Variants in CCDC50 observed in about 807,000 individuals in gnomAD.
The protein encoded by CCDC50 is coiled-coil domain-containing protein 50.
CCDC50 carries 54 observed loss-of-function variants against 70.2 expected under a neutral mutation model. The observed-to-expected ratio is 0.77, with a 90% CI of 0.62 to 0.96. The LOEUF (loss-of-function observed/expected upper bound fraction) is 0.96. CCDC50 is among the 50% of genes least tolerant of loss of function. The pLI, the probability that CCDC50 is intolerant of heterozygous loss-of-function variation, is 0.00. For synonymous variants in CCDC50, 216 were observed against 198.8 expected (o/e 1.09, Z -0.73); for missense variants, 558 against 578.7 (o/e 0.96, Z 0.37).
At chr3:191,368,396 G>A (rs574445242) in intron 4 of CCDC50, among the ~76,000 whole-genome samples, 6 of 151,996 alleles carry the variant, frequency 3.9e-5, no homozygotes, top group South Asian at 4.2e-4. Context: ...AAAAAAATAC[G>A]TATATATGTG....
intron 10 of CCDC50, among the ~76,000 whole-genome samples, chr3:191,388,494 G>A (rs568702): frequency 0.42 from 64,207 of 152,072 alleles, 15,240 homozygotes; most frequent in Non-Finnish European, 0.53. Flanking sequence ...GAGATAATCT[G>A]TGTAGAACCT....
intron 1 of CCDC50, among the ~76,000 whole-genome samples, chr3:191,355,093 C>T (rs1712234467): frequency 2.0e-5 from 3 of 152,044 alleles, no homozygotes; most frequent in Admixed American, 2.0e-4. Flanking sequence ...AAATGCCTTT[C>T]TCAGGCTTAG....
Position 191,329,542 on chromosome 3 carries a change from T to C in CCDC50, c.-133T>C. 1 of 812,796 alleles carries C rather than the reference T, an allele frequency of 1.2e-6. No homozygotes were observed. The highest frequency in any genetic ancestry group is 1.8e-6 in the Non-Finnish European group (1 of 542,948). The allele number at this position is 812,796 out of a possible 1,614,324, so 50.3% of individuals were successfully genotyped here. On this transcript the variant is annotated 5_prime_UTR_variant, in exon 1 of 12. Coordinates refer to ENST00000392455, the MANE Select transcript of CCDC50 (RefSeq NM_178335.3). ...GCCCCTGCCCGCCCGACCCGCTCCG[T>C]TCTCCGGCCTGCGAGCCCTGCCGGC...
chr3:191,394,886 A>G lies in CCDC50; in HGVS notation c.*3126A>G, dbSNP rs1460879238. Reference sequence around the variant, plus strand: ...TTGCTTTACATGTATTTAAGGGAACATTGTGATTTTCAGAAAGTGGCTTTA... The same window carrying G: ...TTGCTTTACATGTATTTAAGGGAACGTTGTGATTTTCAGAAAGTGGCTTTA... On this transcript the variant is annotated 3_prime_UTR_variant, in exon 12 of 12. Transcript: ENST00000392455. 6.6e-6 allele frequency: 1 copy of G among 152,196 alleles called. No individual in the cohort carries two copies. The highest frequency in any genetic ancestry group is 1.5e-5 in the Non-Finnish European group (1 of 67,994). The allele number at this position is 152,196 out of a possible 1,614,324, so 9.4% of individuals were successfully genotyped here.
At chr3:191,377,978 G>A (rs1313791598) in intron 6 of CCDC50, among the ~76,000 whole-genome samples, 1 of 152,038 alleles carries the variant, frequency 6.6e-6, no homozygotes, top group African/African-American at 2.4e-5. Context: ...AAAAATTTTT[G>A]GACATCTTTG....
chr3:191,341,756 TGGA>T (rs1438387030), intron 1 of CCDC50, among the ~76,000 whole-genome samples: 1 of 152,206 alleles, frequency 6.6e-6, no homozygotes, highest in Non-Finnish European at 1.5e-5. Flanking sequence ...TGAAACTGCA[TGGA>T]GAGCCAAAGG....
At chr3:191,386,325 A>T (rs1459101429) in intron 10 of CCDC50, among the ~76,000 whole-genome samples, 1 of 147,934 alleles carries the variant, frequency 6.8e-6, no homozygotes, top group Non-Finnish European at 1.5e-5. Flanking sequence ...CCTGGGTTCA[A>T]GCGATTCTTC....
chr3:191,349,673 C>G (rs1171863066), intron 1 of CCDC50, among the ~76,000 whole-genome samples: 1 of 141,694 alleles, frequency 7.1e-6, no homozygotes, highest in East Asian at 1.9e-4. Context: ...GACTTCACTA[C>G]TAGACAGTAT....
At chr3:191,367,153 T>A (rs1325862679) in intron 4 of CCDC50, among the ~76,000 whole-genome samples, 4 of 152,128 alleles carry the variant, frequency 2.6e-5, no homozygotes, top group Non-Finnish European at 5.9e-5. Flanking sequence ...GTTTGGGTGC[T>A]AAGGTGCATG....
chr3:191,339,839 G>A (rs1265569555), intron 1 of CCDC50, among the ~76,000 whole-genome samples: 1 of 152,132 alleles, frequency 6.6e-6, no homozygotes, highest in Non-Finnish European at 1.5e-5. Flanking sequence ...TTTTTAAAAG[G>A]CACCAGGTTG....
At position 191,393,873 on chromosome 3, in the gene CCDC50, G is replaced by GA. The variant is rs1210638245; in HGVS notation, c.*2120dup. 6.6e-6 allele frequency: 1 copy of GA among 151,682 alleles called. No individual in the cohort carries two copies. Among genetic ancestry groups the GA allele is most frequent in the African/African-American group, 2.4e-5 (1 of 41,316 alleles). The allele number at this position is 151,682 out of a possible 1,614,324, so 9.4% of individuals were successfully genotyped here. A position where few individuals can be genotyped will look rare whatever the true frequency, so the allele number is the denominator to read the frequency against. ...AAGTTTTTTTATTGTAATTTTAAAG[G>GA]AAAAAAACAATGTATTTTTATTTGA... is the stretch of plus-strand genomic sequence containing the variant. On this transcript the variant is annotated 3_prime_UTR_variant, in exon 12 of 12. Transcript: ENST00000392455.
intron 5 of CCDC50, among the ~76,000 whole-genome samples, chr3:191,371,790 T>G (rs768193018): frequency 1.3e-5 from 2 of 152,216 alleles, no homozygotes; most frequent in Non-Finnish European, 2.9e-5. Flanking sequence ...TTATGCTGGT[T>G]TTTCTGATGA....
chr3:191,383,608 T>A (rs958765819), intron 10 of CCDC50, among the ~76,000 whole-genome samples: 2 of 152,192 alleles, frequency 1.3e-5, no homozygotes, highest in African/African-American at 4.8e-5. Context: ...CATTGAATAA[T>A]TGACACTGTT....
intron 1 of CCDC50, among the ~76,000 whole-genome samples, chr3:191,352,865 A>T (rs1423307774): frequency 7.0e-6 from 1 of 142,428 alleles, no homozygotes; most frequent in African/African-American, 2.5e-5. Flanking sequence ...TGTTTGACAT[A>T]TTAGTGTGTT....
chr3:191,376,134 T>A (rs1466493232), intron 6 of CCDC50, among the ~76,000 whole-genome samples: 2 of 152,206 alleles, frequency 1.3e-5, no homozygotes, highest in African/African-American at 4.8e-5. Context: ...GAATCAGCTG[T>A]TAACTAACAA....
intron 5 of CCDC50, chr3:191,370,268 G>T: frequency 2.5e-6 from 1 of 398,322 alleles, no homozygotes; most frequent in South Asian, 2.1e-5. Context: ...CAACGTGCAG[G>T]TTTGTTACAT....
At chr3:191,356,732 C>G (rs529668335) in intron 1 of CCDC50, among the ~76,000 whole-genome samples, 2 of 152,314 alleles carry the variant, frequency 1.3e-5, no homozygotes, top group South Asian at 4.1e-4. Flanking sequence ...ATATGCAAAG[C>G]ATGACTGATA....
At chr3:191,389,646 A>G (rs779509234) in intron 11 of CCDC50, 44 bp downstream of exon 11, 6 of 1,414,566 alleles carry the variant, frequency 4.2e-6, no homozygotes, top group East Asian at 4.5e-5. Context: ...TTCTTTTTTT[A>G]TATAAGCCTC....
rs867246849 is a variant in CCDC50 at position 191,375,378 on chromosome 3, G to T, written c.765G>T (p.Glu255Asp). Residue 255 changes from glutamate to aspartate, a missense_variant, in exon 6 of 12, where the codon GAG (glutamate) becomes GAT (aspartate). Glu to Asp is a conservative substitution (Grantham distance 45). Coordinates refer to ENST00000392455, the MANE Select transcript of CCDC50 (RefSeq NM_178335.3). ...VFLSTECDDW[E>D]TKINHQTRNW... ...TGAGCACTGAATGTGATGACTGGGA[G>T]ACTAAGATTAACCATCAGACTCGAA... 5 of 1,613,594 alleles carry T rather than the reference G, an allele frequency of 3.1e-6. No homozygotes were observed. In the African/African-American group the frequency reaches 4.0e-5, roughly 13 times the overall value.
Sources: allele counts gnomAD v4.1 joint callset (sites outside exome capture counted in the v4.1 genomes callset), GRCh38; gene constraint gnomAD v4.1.1; transcripts MANE v1.5; gene names NCBI Gene and HGNC (gene_info 2026-07-23, HGNC 2026-07-21).